DCAF6: variants seen among roughly 807,000 people sequenced by gnomAD.
The protein encoded by DCAF6 is DDB1- and CUL4-associated factor 6.
Under a neutral mutation model 125.1 loss-of-function variants are expected in DCAF6, and 54 were observed. The ratio of observed to expected loss-of-function variants is 0.43; its 90% CI spans 0.35 to 0.54. The LOEUF (loss-of-function observed/expected upper bound fraction) is 0.54. Among genes scored for constraint, DCAF6 ranks in the 20% least tolerant of loss-of-function variants. The pLI is 0.01. For synonymous variants in DCAF6, 371 were observed against 390.4 expected (o/e 0.95, Z 0.58); for missense variants, 934 against 1,161.7 (o/e 0.80, Z 2.85).
Position 168,008,016 on chromosome 1 carries a change from G to A in DCAF6, c.1378+3223G>A, listed in dbSNP as rs568054368. On this transcript the variant is annotated intron_variant, in intron 10 of 21. Transcript: ENST00000367840. ...AAGACAGTCTCACTCTGTCACCCAG[G>A]CTGGAGTGCAGTGCACAATCTCAGG... Among the ~76,000 whole-genome samples, 55 of 137,470 alleles carry A rather than the reference G, an allele frequency of 4.0e-4. No homozygotes were observed. In the South Asian group the frequency reaches 0.011, roughly 27 times the overall value. 90.2% of individuals were successfully genotyped at this position (137,470 alleles called of 152,430 possible).
intron 10 of DCAF6, among the ~76,000 whole-genome samples, chr1:168,005,887 C>G (rs767862619): frequency 2.6e-5 from 4 of 152,030 alleles, no homozygotes; most frequent in Non-Finnish European, 5.9e-5. Context: ...GCTACAGAAT[C>G]AAGGTTTTCA....
intron 8 of DCAF6, 130 bp from the exon 9 acceptor site, chr1:168,003,740 A>G (rs1333038308): frequency 9.1e-6 from 7 of 768,334 alleles, no homozygotes; most frequent in Admixed American, 3.0e-5. Flanking sequence ...ATACATTCAT[A>G]CAATTTATTT....
At chr1:168,070,642 C>T (rs141680305) in intron 21 of DCAF6, among the ~76,000 whole-genome samples, 5 of 152,212 alleles carry the variant, frequency 3.3e-5, no homozygotes, top group African/African-American at 7.2e-5. Context: ...AGAGATTAAG[C>T]GTCTACATTT....
At chr1:168,063,039 G>T (rs1691809171) in intron 17 of DCAF6, among the ~76,000 whole-genome samples, 1 of 151,808 alleles carries the variant, frequency 6.6e-6, no homozygotes, top group African/African-American at 2.4e-5. Context: ...AGCCTCCCGA[G>T]TAGCTGGGAC....
the DCAF6 span, among the ~76,000 whole-genome samples, chr1:167,875,430 C>T: frequency 5.9e-5 from 9 of 152,208 alleles, no homozygotes; most frequent in African/African-American, 1.9e-4. Flanking sequence ...TCAATAAATG[C>T]TGTTGAGTCT....
At chr1:167,909,964 A>AC in the DCAF6 span, among the ~76,000 whole-genome samples, 69,733 of 151,890 alleles carry the variant, frequency 0.46, 18,334 homozygotes, top group African/African-American at 0.72. Context: ...TAAAAGATTA[A>AC]CCCCCATTCT....
the DCAF6 span, among the ~76,000 whole-genome samples, chr1:167,913,132 T>C: frequency 6.6e-6 from 1 of 152,142 alleles, no homozygotes; most frequent in Non-Finnish European, 1.5e-5. Context: ...ATGAACAGCA[T>C]GGGTACTGAC....
the DCAF6 span, among the ~76,000 whole-genome samples, chr1:167,928,040 T>C: frequency 6.6e-6 from 1 of 151,932 alleles, no homozygotes; most frequent in Non-Finnish European, 1.5e-5. Flanking sequence ...GCAAACAGTG[T>C]TTTCTTAACT....
At chr1:167,870,783 T>A in the DCAF6 span, among the ~76,000 whole-genome samples, 1 of 150,418 alleles carries the variant, frequency 6.6e-6, no homozygotes, top group African/African-American at 2.5e-5. Flanking sequence ...CACTCCAGCC[T>A]GGGCGACAAG....
At chr1:167,935,662 G>C, upstream of DCAF6, 1 of 1,281,978 alleles carries the variant, frequency 7.8e-7, no homozygotes, top group South Asian at 1.3e-5. Context: ...TTGTCAGAGG[G>C]CCTCTAAAAG....
upstream of DCAF6, among the ~76,000 whole-genome samples, chr1:167,932,689 A>T (rs1372618548): frequency 6.6e-6 from 1 of 151,916 alleles, no homozygotes; most frequent in Non-Finnish European, 1.5e-5. Context: ...CATGCCTGTA[A>T]TCCCAGCTAC....
chr1:167,943,987 C>T (rs1185058577), intron 1 of DCAF6, among the ~76,000 whole-genome samples: 6 of 125,530 alleles, frequency 4.8e-5, no homozygotes, highest in South Asian at 3.0e-4. Flanking sequence ...TACAGGTGCC[C>T]GCCACCACAC....
chr1:167,966,679 A>G lies in DCAF6; in HGVS notation c.210A>G (p.Ser70=). Residue 70 remains serine, a synonymous_variant, in exon 3 of 22, where the codon TCA becomes TCG. Coordinates refer to ENST00000367840, the MANE Select transcript of DCAF6 (RefSeq NM_001198956.2). ...NDTGEYILSG[S]DDTKLVISNP... ...CTGGAGAATATATTTTATCTGGCTCAGATGACACCAAATTAGTAATTAGTA... is the reference window on the plus strand; with the variant it reads ...CTGGAGAATATATTTTATCTGGCTCGGATGACACCAAATTAGTAATTAGTA... The G allele has an allele frequency of 1.2e-6, 2 of 1,605,398 alleles. No homozygotes were observed. The highest frequency in any genetic ancestry group is 1.7e-6 in the Non-Finnish European group (2 of 1,172,778).
chr1:168,030,252 A>G (rs1354206413), intron 12 of DCAF6, among the ~76,000 whole-genome samples: 1 of 152,180 alleles, frequency 6.6e-6, no homozygotes, highest in Non-Finnish European at 1.5e-5. Context: ...TGAGGAAGAG[A>G]CATTAAGCTG....
chr1:167,874,451 T>C, the DCAF6 span, among the ~76,000 whole-genome samples: 88 of 152,098 alleles, frequency 5.8e-4, 1 homozygote, highest in Non-Finnish European at 2.6e-4. Context: ...CCCAACAGAA[T>C]TATTGAAAGG....
intron 10 of DCAF6, among the ~76,000 whole-genome samples, chr1:168,006,640 T>C (rs1452499934): frequency 1.3e-5 from 2 of 152,178 alleles, no homozygotes; most frequent in East Asian, 3.9e-4. Context: ...CAAATGTGTT[T>C]GTGAATATTG....
At chr1:167,926,130 C>G in the DCAF6 span, among the ~76,000 whole-genome samples, 1 of 152,208 alleles carries the variant, frequency 6.6e-6, no homozygotes, top group African/African-American at 2.4e-5. Context: ...ACTTTATTTT[C>G]TCACATACAT....
At chr1:167,905,472 C>T in the DCAF6 span, among the ~76,000 whole-genome samples, 1 of 152,170 alleles carries the variant, frequency 6.6e-6, no homozygotes, top group African/African-American at 2.4e-5. Flanking sequence ...GGGGTAGGCC[C>T]TCGCAGGGCA....
chr1:167,881,457 G>C, the DCAF6 span, among the ~76,000 whole-genome samples: 2 of 152,186 alleles, frequency 1.3e-5, no homozygotes, highest in African/African-American at 4.8e-5. Context: ...ATCTTAAAAA[G>C]GACTGGGATC....
Sources: gnomAD v4.1 joint callset for allele counts (sites outside exome capture counted in the v4.1 genomes callset) on GRCh38, gnomAD v4.1.1 for gene constraint, MANE v1.5 for transcripts, NCBI Gene and HGNC (gene_info 2026-07-23, HGNC 2026-07-21) for gene names.